Variants in OOSP3 observed in about 807,000 individuals in gnomAD.
OOSP3 encodes oocyte secreted protein family member 3.
chr11:59,879,582 G>A (rs1420502011), intron 1 of OOSP3, among the ~76,000 whole-genome samples: 2 of 152,028 alleles, frequency 1.3e-5, no homozygotes, highest in South Asian at 2.1e-4. Context: ...GTCTAAAAAT[G>A]TTTTTTGGAT....
chr11:59,895,532 C>G (rs1452100766), exon 4 of OOSP3: 1 of 398,266 alleles, frequency 2.5e-6, no homozygotes, highest in East Asian at 3.6e-5. Context: ...CAAGCACTAT[C>G]CATAACAATC....
intron 2 of OOSP3, among the ~76,000 whole-genome samples, chr11:59,885,061 G>A (rs1224622209): frequency 6.6e-6 from 1 of 152,178 alleles, no homozygotes; most frequent in African/African-American, 2.4e-5. Context: ...ATCTTTGGTT[G>A]TGGAGAGTTT....
chr11:59,881,628 T>C (rs1280789982), intron 2 of OOSP3, among the ~76,000 whole-genome samples: 1 of 151,996 alleles, frequency 6.6e-6, no homozygotes, highest in Non-Finnish European at 1.5e-5. Context: ...ACAAAAATAG[T>C]ATATTTTGGG....
intron 2 of OOSP3, among the ~76,000 whole-genome samples, chr11:59,884,449 TTGTC>T (rs1174429243): frequency 3.4e-4 from 47 of 139,766 alleles, no homozygotes; most frequent in East Asian, 1.7e-3. Context: ...TCATGTCTGT[TTGTC>T]TGTCTGTCTG....
chr11:59,887,123 TG>T (rs1478242205), intron 2 of OOSP3, among the ~76,000 whole-genome samples: 19 of 151,044 alleles, frequency 1.3e-4, no homozygotes, highest in African/African-American at 3.9e-4. Context: ...TTTTTTTTGT[TG>T]TTTTTTTTTT....
At chr11:59,881,870 CA>C (rs577001237) in intron 2 of OOSP3, among the ~76,000 whole-genome samples, 1 of 151,610 alleles carries the variant, frequency 6.6e-6, no homozygotes, top group African/African-American at 2.4e-5. Flanking sequence ...GACTCCGTCT[CA>C]AAAAAATAAA....
chr11:59,879,976 G>C (rs1853185532), intron 1 of OOSP3, among the ~76,000 whole-genome samples: 1 of 152,136 alleles, frequency 6.6e-6, no homozygotes, highest in African/African-American at 2.4e-5. Context: ...GCCCCATACA[G>C]CAAAAGAAGC....
chr11:59,880,746 A>G (rs763598620), intron 2 of OOSP3, among the ~76,000 whole-genome samples: 1 of 152,204 alleles, frequency 6.6e-6, no homozygotes, highest in East Asian at 1.9e-4. Flanking sequence ...CCTAGTTTTC[A>G]TAGTAACTGA....
At chr11:59,893,675 T>A (rs1317655483) in intron 2 of OOSP3, among the ~76,000 whole-genome samples, 1 of 152,122 alleles carries the variant, frequency 6.6e-6, no homozygotes, top group Admixed American at 6.5e-5. Flanking sequence ...GTTTTTGACA[T>A]CTCCACAATG....
chr11:59,881,900 T>C (rs901132220), intron 2 of OOSP3, among the ~76,000 whole-genome samples: 4 of 152,150 alleles, frequency 2.6e-5, no homozygotes, highest in Non-Finnish European at 5.9e-5. Flanking sequence ...TAAAAGGTAG[T>C]GTATTTATAG....
intron 2 of OOSP3, among the ~76,000 whole-genome samples, chr11:59,887,030 A>G (rs1193987933): frequency 6.6e-6 from 1 of 151,480 alleles, no homozygotes; most frequent in Non-Finnish European, 1.5e-5. Context: ...CCTGCCCTCA[A>G]GTGATTCGTG....
At chr11:59,881,968 A>G (rs572844412) in intron 2 of OOSP3, among the ~76,000 whole-genome samples, 14 of 152,356 alleles carry the variant, frequency 9.2e-5, no homozygotes, top group African/African-American at 3.4e-4. Context: ...GTCCTATACA[A>G]ACAATTCTGA....
exon 5 of OOSP3, chr11:59,896,439 A>C (rs1853358515): frequency 3.0e-6 from 1 of 328,166 alleles, no homozygotes; most frequent in African/African-American, 2.1e-5. Context: ...TATAATTTGT[A>C]TGTGGAGTTG....
intron 2 of OOSP3, among the ~76,000 whole-genome samples, chr11:59,892,365 C>T (rs1289866403): frequency 1.3e-5 from 2 of 151,986 alleles, no homozygotes; most frequent in Non-Finnish European, 2.9e-5. Context: ...CCTAGTCAGT[C>T]CCAATAAGAG....
chr11:59,881,184 T>A (rs1268065341), intron 2 of OOSP3, among the ~76,000 whole-genome samples: 1 of 151,814 alleles, frequency 6.6e-6, no homozygotes, highest in Non-Finnish European at 1.5e-5. Context: ...CATGGTGAAA[T>A]GCTGTCTCTA....
chr11:59,885,473 C>T (rs972401669), intron 2 of OOSP3, among the ~76,000 whole-genome samples: 1 of 151,938 alleles, frequency 6.6e-6, no homozygotes, highest in Non-Finnish European at 1.5e-5. Flanking sequence ...TATTCTCCCT[C>T]CCCATCCCCC....
chr11:59,896,154 C>T (rs1278927773), exon 5 of OOSP3: 2 of 398,352 alleles, frequency 5.0e-6, no homozygotes. Flanking sequence ...TCATCAGTCA[C>T]TTCTACTTAA....
intron 1 of OOSP3, 46 bp downstream of exon 1, chr11:59,878,927 A>G: frequency 2.5e-6 from 1 of 398,374 alleles, no homozygotes. Flanking sequence ...ATAGTTTCTT[A>G]GCGGTTGTGG....
At chr11:59,892,683 C>T (rs1391645333) in intron 2 of OOSP3, among the ~76,000 whole-genome samples, 1 of 151,500 alleles carries the variant, frequency 6.6e-6, no homozygotes, top group Non-Finnish European at 1.5e-5. Context: ...GTCAAATAAC[C>T]AGCATTTCAG....
Sources: allele counts gnomAD v4.1 joint callset (sites outside exome capture counted in the v4.1 genomes callset), GRCh38; gene constraint gnomAD v4.1.1; transcripts MANE v1.5; gene names NCBI Gene and HGNC (gene_info 2026-07-23, HGNC 2026-07-21).